ERCC6: variants seen among roughly 807,000 people sequenced by gnomAD.
The protein encoded by ERCC6 is DNA excision repair protein ERCC-6.
ERCC6 carries 116 observed loss-of-function variants against 158.7 expected under a neutral mutation model. The ratio of observed to expected loss-of-function variants is 0.73; its 90% CI spans 0.63 to 0.85. The LOEUF is 0.85. ERCC6 is among the 40% of genes least tolerant of loss of function. The probability of loss-of-function intolerance (pLI) is 0.00; values close to 1 mark genes in which losing one functional copy is unlikely to be tolerated. For missense variants in ERCC6, 1,698 were observed against 1,799.4 expected (o/e 0.94, Z 1.02); for synonymous variants, 678 against 659.3 (o/e 1.03, Z -0.43).
chr10:49,501,098 A>ATGTT (rs1363713147), intron 6 of ERCC6: 2 of 254,206 alleles, frequency 7.9e-6, no homozygotes, highest in East Asian at 2.1e-4. Flanking sequence ...AGGGGCACTA[A>ATGTT]TGTTTATTTT....
At chr10:49,441,925 A>G in the ERCC6 span, among the ~76,000 whole-genome samples, 9 of 152,232 alleles carry the variant, frequency 5.9e-5, no homozygotes, top group Non-Finnish European at 8.8e-5. Context: ...CACTGAAAGC[A>G]AAACTTCGTC....
chr10:49,479,601 T>A (rs1763272235), intron 10 of ERCC6, among the ~76,000 whole-genome samples: 1 of 152,180 alleles, frequency 6.6e-6, no homozygotes, highest in African/African-American at 2.4e-5. Context: ...GATGCAGAGA[T>A]GATGAAATTT....
chr10:49,440,481 G>C, the ERCC6 span, among the ~76,000 whole-genome samples: 1 of 152,242 alleles, frequency 6.6e-6, no homozygotes, highest in African/African-American at 2.4e-5. Context: ...TTGGGTGGGG[G>C]CACAGCCACA....
At chr10:49,450,026 C>A (rs1850404164), downstream of ERCC6, among the ~76,000 whole-genome samples, 1 of 152,088 alleles carries the variant, frequency 6.6e-6, no homozygotes, top group South Asian at 2.1e-4. Flanking sequence ...ATGCACATGA[C>A]CATGACCAGC....
chr10:49,453,188 T>C (rs950260812), downstream of ERCC6, among the ~76,000 whole-genome samples: 1 of 152,190 alleles, frequency 6.6e-6, no homozygotes, highest in South Asian at 2.1e-4. Flanking sequence ...TTTTCAACTA[T>C]ATTTCTGGAG....
At chr10:49,531,868 A>G (rs1383923616) in intron 2 of ERCC6, among the ~76,000 whole-genome samples, 1 of 152,010 alleles carries the variant, frequency 6.6e-6, no homozygotes, top group African/African-American at 2.4e-5. Flanking sequence ...ACACTGCCCA[A>G]CGGGGGCCAA....
Position 49,474,223 on chromosome 10 carries a change from GCTATAAGT to G in ERCC6, c.2394_2401del (p.Leu799ProfsTer9). On this transcript the variant is annotated frameshift_variant, in exon 13 of 21. Transcript: ENST00000355832. LOFTEE classifies it high-confidence loss of function. ...AGGGTGGTTGCAAATTTTTCTTAGG[GCTATAAGT>G]CCGGAGAAAATCTGTGGTAAGAAAG... The G allele has an allele frequency of 6.2e-7, 1 of 1,613,922 alleles. No individual in the cohort carries two copies. Among genetic ancestry groups the G allele is most frequent in the Non-Finnish European group, 8.5e-7 (1 of 1,179,896 alleles).
chr10:49,534,604 A>C (rs970457600), intron 1 of ERCC6, among the ~76,000 whole-genome samples: 1 of 152,242 alleles, frequency 6.6e-6, no homozygotes, highest in Non-Finnish European at 1.5e-5. Context: ...GAGAAAGCAC[A>C]GGGAAAAATA....
chr10:49,478,557 A>T, intron 10 of ERCC6, 87 bp from the exon 11 acceptor site: 1 of 811,064 alleles, frequency 1.2e-6, no homozygotes, highest in Non-Finnish European at 2.1e-6. Flanking sequence ...CATTCCTTAA[A>T]AAAAAAAAAA....
the ERCC6 span, among the ~76,000 whole-genome samples, chr10:49,443,716 G>A: frequency 6.6e-6 from 1 of 152,128 alleles, no homozygotes; most frequent in African/African-American, 2.4e-5. Flanking sequence ...TCTGTGTTTA[G>A]ATATGTTCAG....
intron 18 of ERCC6, among the ~76,000 whole-genome samples, chr10:49,466,944 C>T (rs1850686673): frequency 2.0e-5 from 3 of 152,032 alleles, no homozygotes. Flanking sequence ...CACCATCATG[C>T]CTAATTTTTG....
rs1850533882 is a variant in ERCC6, at chr10:49,459,207, C to A, written c.4090G>T (p.Asp1364Tyr). The A allele has an allele frequency of 1.2e-6, 2 of 1,614,182 alleles. No homozygotes were observed. The highest frequency in any genetic ancestry group is 1.3e-5 in the African/African-American group (1 of 75,030). Residue 1364 changes from aspartate (D) to tyrosine (Y), a missense_variant, in exon 21 of 21, where the codon GAT (aspartate) becomes TAT (tyrosine). Coordinates refer to ENST00000355832, the MANE Select transcript of ERCC6 (RefSeq NM_000124.4). ...CCACTAAAATGCTCAGGGACATTATCTTTTCCCTCCTTTTTCATGATGCCA... is the reference window on the plus strand; with the variant it reads ...CCACTAAAATGCTCAGGGACATTATATTTTCCCTCCTTTTTCATGATGCCA... ...QDGIMKKEGK[D>Y]NVPEHFSGRA... is the part of the protein sequence containing the mutation.
intron 5 of ERCC6, among the ~76,000 whole-genome samples, chr10:49,512,950 T>C (rs181376120): frequency 6.6e-6 from 1 of 152,338 alleles, no homozygotes; most frequent in Admixed American, 6.5e-5. Context: ...TGCCTTTACT[T>C]GTGAAAGGTC....
rs74750824 is a variant in ERCC6, at chr10:49,475,446, G to A, written c.2382+769C>T. On this transcript the variant is annotated intron_variant, in intron 12 of 20. Transcript: ENST00000355832. ...CCCTAACTTGGAAAGACCTGAAGAA[G>A]TTAAGGGGAGATTCATGGAGATGAA... is the stretch of plus-strand genomic sequence containing the variant. 7.9e-3 allele frequency: 3,542 copies of A among 449,164 alleles called. 100 individuals carry two copies. The highest frequency in any genetic ancestry group is 0.064 in the African/African-American group (3,180 of 50,078). The allele number at this position is 449,164 out of a possible 1,614,324, so 27.8% of individuals were successfully genotyped here.
chr10:49,505,910 T>C lies in ERCC6; in HGVS notation c.1500A>G (p.Pro500=), dbSNP rs769893726. 1 of 1,613,450 alleles carries C rather than the reference T, an allele frequency of 6.2e-7. No individual in the cohort carries two copies. The highest frequency in any genetic ancestry group is 1.1e-5 in the South Asian group (1 of 91,070). Residue 500 remains proline, a synonymous_variant, in exon 6 of 21, where the codon CCA becomes CCG. Coordinates refer to ENST00000355832, the MANE Select transcript of ERCC6 (RefSeq NM_000124.4). ...TAAAAAGCTTTTTGAACAGAAAACC[T>C]GGCACTTTAAAACCTTCGTCAAATT... The part of the protein sequence containing the change: ...DAEFDEGFKV[P]GFLFKKLFKY...
intron 11 of ERCC6, among the ~76,000 whole-genome samples, chr10:49,476,659 C>T (rs970206025): frequency 6.6e-6 from 1 of 152,116 alleles, no homozygotes; most frequent in African/African-American, 2.4e-5. Context: ...ATGCTCTACT[C>T]GGCAGACCTG....
In ERCC6 at chr10:49,459,112, A is replaced by G. The variant is rs892019345; in HGVS notation, c.4185T>C (p.Ala1395=). The change falls in exon 21 of 21, where the codon GCT becomes GCC. Residue 1395 remains alanine (A), a synonymous_variant. Coordinates refer to ENST00000355832, the MANE Select transcript of ERCC6 (RefSeq NM_000124.4). ...ASSSLLAKMR[A]RNHLILPERL... is the part of the protein sequence containing the mutation. ...GCTCTGGCAGAATCAGGTGGTTTCT[A>G]GCTCTCATTTTAGCCAAGAGTGAGG... 5.0e-6 allele frequency: 8 copies of G among 1,614,214 alleles called. No individual in the cohort carries two copies. Among genetic ancestry groups the G allele is most frequent in the Non-Finnish European group, 6.8e-6 (8 of 1,180,040 alleles).
At chr10:49,438,641 C>T in the ERCC6 span, among the ~76,000 whole-genome samples, 2 of 152,120 alleles carry the variant, frequency 1.3e-5, no homozygotes, top group African/African-American at 4.8e-5. Context: ...AACAGTCCCC[C>T]AAAGTGTTAA....
chr10:49,484,281 A>AC (rs1295948762), intron 8 of ERCC6, among the ~76,000 whole-genome samples: 1 of 145,918 alleles, frequency 6.9e-6, no homozygotes, highest in Non-Finnish European at 1.5e-5. Context: ...TCTGCCTCAA[A>AC]AAAAAAAAAA....
Sources: allele counts gnomAD v4.1 joint callset (sites outside exome capture counted in the v4.1 genomes callset), GRCh38; gene constraint gnomAD v4.1.1; transcripts MANE v1.5; gene names NCBI Gene and HGNC (gene_info 2026-07-23, HGNC 2026-07-21).